Variants in SPIRE1 observed in about 807,000 individuals in gnomAD.
SPIRE1 encodes the protein spire type actin nucleation factor 1, also known as protein spire homolog 1.
Under a neutral mutation model 94.1 loss-of-function variants are expected in SPIRE1, and 40 were observed. The ratio of observed to expected loss-of-function variants is 0.43; its 90% CI spans 0.33 to 0.55. The LOEUF (loss-of-function observed/expected upper bound fraction) is 0.55. Ranked by LOEUF, SPIRE1 falls within the 20% of genes least tolerant of loss-of-function variation. The pLI, the probability that SPIRE1 is intolerant of heterozygous loss-of-function variation, is 0.06. For synonymous variants in SPIRE1, 376 were observed against 371.7 expected (o/e 1.01, Z -0.13); for missense variants, 838 against 975.2 (o/e 0.86, Z 1.87).
At chr18:12,635,885 G>T (rs979886685) in intron 1 of SPIRE1, among the ~76,000 whole-genome samples, 8 of 150,810 alleles carry the variant, frequency 5.3e-5, no homozygotes, top group African/African-American at 7.3e-5. Flanking sequence ...GGGTTTTTTT[G>T]GTTTTTTTTG....
intron 1 of SPIRE1, among the ~76,000 whole-genome samples, chr18:12,652,143 T>G (rs1446319463): frequency 6.6e-6 from 1 of 152,220 alleles, no homozygotes; most frequent in Non-Finnish European, 1.5e-5. Context: ...TAATTCTTTG[T>G]GGCATGCCAG....
chr18:12,466,104 A>G (rs1199157494), intron 10 of SPIRE1, among the ~76,000 whole-genome samples: 1 of 152,026 alleles, frequency 6.6e-6, no homozygotes, highest in Non-Finnish European at 1.5e-5. Context: ...AAGAAAAAGA[A>G]AAAGAAAAAT....
intron 4 of SPIRE1, among the ~76,000 whole-genome samples, chr18:12,516,682 A>G (rs2034204086): frequency 6.6e-6 from 1 of 152,214 alleles, no homozygotes; most frequent in Non-Finnish European, 1.5e-5. Flanking sequence ...ATATGAGTTC[A>G]TGCTTTTATG....
intron 4 of SPIRE1, among the ~76,000 whole-genome samples, chr18:12,534,336 T>C (rs1292791633): frequency 1.3e-5 from 2 of 152,230 alleles, no homozygotes; most frequent in Non-Finnish European, 2.9e-5. Context: ...AGTTTTAGCC[T>C]AGTGCTTCTG....
intron 1 of SPIRE1, among the ~76,000 whole-genome samples, chr18:12,651,334 G>A (rs182461130): frequency 1.2e-4 from 19 of 152,124 alleles, no homozygotes; most frequent in Non-Finnish European, 2.6e-4. Flanking sequence ...TTAATGATCA[G>A]GATGGGAACA....
intron 1 of SPIRE1, among the ~76,000 whole-genome samples, chr18:12,639,840 G>A (rs2038035436): frequency 6.6e-6 from 1 of 151,542 alleles, no homozygotes; most frequent in Admixed American, 6.6e-5. Flanking sequence ...CTGCACTCCA[G>A]CCTGGGCAAC....
At chr18:12,484,230 G>T (rs2032951456) in intron 9 of SPIRE1, among the ~76,000 whole-genome samples, 1 of 152,132 alleles carries the variant, frequency 6.6e-6, no homozygotes, top group South Asian at 2.1e-4. Context: ...AGCATCTTTT[G>T]TAGATATTCA....
chr18:12,595,070 G>A (rs1173089405), intron 2 of SPIRE1, among the ~76,000 whole-genome samples: 1 of 152,188 alleles, frequency 6.6e-6, no homozygotes, highest in Non-Finnish European at 1.5e-5. Context: ...TTGAACCCAG[G>A]AGTTCAAGAC....
chr18:12,485,457 T>C (rs1275976410), intron 9 of SPIRE1, among the ~76,000 whole-genome samples: 1 of 152,206 alleles, frequency 6.6e-6, no homozygotes, highest in Non-Finnish European at 1.5e-5. Flanking sequence ...CTAGGCTCTA[T>C]CCACTGAGCA....
At chr18:12,644,737 T>C (rs1303429428) in intron 1 of SPIRE1, among the ~76,000 whole-genome samples, 1 of 152,202 alleles carries the variant, frequency 6.6e-6, no homozygotes, top group Admixed American at 6.5e-5. Context: ...AAACATATAT[T>C]TAATATTGTT....
At chr18:12,505,005 T>G (rs1366632889) in intron 6 of SPIRE1, among the ~76,000 whole-genome samples, 2 of 152,116 alleles carry the variant, frequency 1.3e-5, no homozygotes, top group East Asian at 3.9e-4. Flanking sequence ...AGATGAGGTC[T>G]GAGAGGTAAC....
At chr18:12,499,841 TTATC>T (rs1360401035) in intron 6 of SPIRE1, among the ~76,000 whole-genome samples, 5 of 152,200 alleles carry the variant, frequency 3.3e-5, no homozygotes, top group African/African-American at 1.2e-4. Flanking sequence ...TACTTGCAAA[TTATC>T]TATCTGTCAG....
chr18:12,453,246 A>G (rs2031334390), intron 13 of SPIRE1, 108 bp from the exon 14 acceptor site: 3 of 636,784 alleles, frequency 4.7e-6, no homozygotes, highest in Non-Finnish European at 8.0e-6. Flanking sequence ...CTGAACAGAC[A>G]AGAGGAGGAA....
chr18:12,607,378 G>A (rs991444967), intron 2 of SPIRE1, among the ~76,000 whole-genome samples: 2 of 152,050 alleles, frequency 1.3e-5, no homozygotes, highest in Admixed American at 1.3e-4. Flanking sequence ...CAATGTTATG[G>A]GAATCAACAA....
Position 12,546,907 on chromosome 18 carries a change from AG to A in SPIRE1, c.373-4del, listed in dbSNP as rs1296254854. On this transcript the variant is annotated splice_region_variant and splice_polypyrimidine_tract_variant and intron_variant, in intron 2 of 16. Coordinates refer to ENST00000409402, the MANE Select transcript of SPIRE1 (RefSeq NM_001128626.2). ...ATAATTCCCAAAGATTCAATGACCT[AG>A]GAACATTTAAAAAAGTGGTTAATGG... 3.1e-6 allele frequency: 5 copies of A among 1,601,756 alleles called. No homozygotes were observed. The highest frequency in any genetic ancestry group is 4.3e-6 in the Non-Finnish European group (5 of 1,171,188).
chr18:12,461,270 A>G (rs1046534495), intron 12 of SPIRE1, among the ~76,000 whole-genome samples: 1 of 152,186 alleles, frequency 6.6e-6, no homozygotes, highest in Non-Finnish European at 1.5e-5. Context: ...TCTAACCTCA[A>G]TAATGACATT....
intron 2 of SPIRE1, among the ~76,000 whole-genome samples, chr18:12,553,638 T>C (rs1273546791): frequency 6.6e-6 from 1 of 151,374 alleles, no homozygotes; most frequent in African/African-American, 2.4e-5. Flanking sequence ...ACAGCATCTC[T>C]AGACCTACCC....
intron 1 of SPIRE1, among the ~76,000 whole-genome samples, chr18:12,654,270 G>A: frequency 6.7e-6 from 1 of 149,538 alleles, no homozygotes; most frequent in Admixed American, 6.8e-5. Context: ...CCTGGAGGCG[G>A]AGGTTGCAGT....
chr18:12,545,946 G>A (rs1425944479), intron 3 of SPIRE1, among the ~76,000 whole-genome samples: 1 of 152,160 alleles, frequency 6.6e-6, no homozygotes, highest in Non-Finnish European at 1.5e-5. Context: ...TCAGGCTGCT[G>A]ACAAATCTGG....
Sources: gnomAD v4.1 joint callset for allele counts (sites outside exome capture counted in the v4.1 genomes callset) on GRCh38, gnomAD v4.1.1 for gene constraint, MANE v1.5 for transcripts, NCBI Gene and HGNC (gene_info 2026-07-23, HGNC 2026-07-21) for gene names.